SLC9A2: variants seen among roughly 807,000 people sequenced by gnomAD.
SLC9A2 encodes the protein sodium/hydrogen exchanger 2.
Under a neutral mutation model 71.7 loss-of-function variants are expected in SLC9A2, and 42 were observed. That is an observed-to-expected ratio of 0.59 (90% CI 0.46 to 0.76). The LOEUF (loss-of-function observed/expected upper bound fraction) is 0.76. SLC9A2 is among the 30% of genes least tolerant of loss of function. SLC9A2 has a pLI of 0.00. For synonymous variants in SLC9A2, 396 were observed against 392.5 expected (o/e 1.01, Z -0.10); for missense variants, 829 against 1,017.4 (o/e 0.81, Z 2.52).
At chr2:102,642,140 G>T (rs1379408345) in intron 1 of SLC9A2, among the ~76,000 whole-genome samples, 1 of 152,134 alleles carries the variant, frequency 6.6e-6, no homozygotes, top group East Asian at 1.9e-4. Context: ...TAGGAAGGAA[G>T]AATCCTTGTA....
At chr2:102,665,007 C>A in intron 2 of SLC9A2, 93 bp from the exon 3 acceptor site, 1 of 1,316,992 alleles carries the variant, frequency 7.6e-7, no homozygotes, top group Non-Finnish European at 1.0e-6. Flanking sequence ...AAGAAATGTC[C>A]TTATTAGAAG....
At chr2:102,625,127 C>A (rs890124436) in intron 1 of SLC9A2, among the ~76,000 whole-genome samples, 7 of 152,096 alleles carry the variant, frequency 4.6e-5, no homozygotes, top group African/African-American at 1.7e-4. Flanking sequence ...AAAAGAAGAG[C>A]ACTGATTCCT....
At chr2:102,655,835 G>A (rs915973026) in intron 1 of SLC9A2, among the ~76,000 whole-genome samples, 1 of 152,198 alleles carries the variant, frequency 6.6e-6, no homozygotes, top group African/African-American at 2.4e-5. Flanking sequence ...CTGGCATTTG[G>A]TGTCTGGTGA....
At chr2:102,670,089 T>G (rs1677217414) in intron 3 of SLC9A2, among the ~76,000 whole-genome samples, 1 of 151,698 alleles carries the variant, frequency 6.6e-6, no homozygotes, top group South Asian at 2.1e-4. Flanking sequence ...TGGAATGCAG[T>G]GGCGCGATCT....
chr2:102,678,200 G>C (rs1257537222), intron 3 of SLC9A2, among the ~76,000 whole-genome samples: 1 of 152,114 alleles, frequency 6.6e-6, no homozygotes, highest in Non-Finnish European at 1.5e-5. Context: ...CTTGAAGGCA[G>C]AAATTGGGTC....
Position 102,708,505 on chromosome 2 carries a change from C to G in SLC9A2, c.*16C>G. ...GAAGCCTTAAGAGAAGCAGCGAAAG[C>G]AGATCTGAGTGTCTGACCCAGGACA... On this transcript the variant is annotated 3_prime_UTR_variant, in exon 12 of 12. Coordinates refer to ENST00000233969, the MANE Select transcript of SLC9A2 (RefSeq NM_003048.6). 2 of 1,607,168 alleles carry G rather than the reference C, an allele frequency of 1.2e-6. No individual in the cohort carries two copies. Among genetic ancestry groups the G allele is most frequent in the Non-Finnish European group, 1.7e-6 (2 of 1,176,420 alleles).
At chr2:102,634,940 G>T (rs916393552) in intron 1 of SLC9A2, among the ~76,000 whole-genome samples, 1 of 152,132 alleles carries the variant, frequency 6.6e-6, no homozygotes, top group Admixed American at 6.5e-5. Flanking sequence ...AAAGCCCAGA[G>T]CTTCTGGGTC....
At chr2:102,625,097 T>C (rs1254947714) in intron 1 of SLC9A2, among the ~76,000 whole-genome samples, 1 of 151,910 alleles carries the variant, frequency 6.6e-6, no homozygotes, top group African/African-American at 2.4e-5. Flanking sequence ...TGGTGGCAGG[T>C]ATTGGTTCCT....
At chr2:102,691,862 T>C (rs1160302228) in intron 5 of SLC9A2, among the ~76,000 whole-genome samples, 1 of 152,232 alleles carries the variant, frequency 6.6e-6, no homozygotes, top group African/African-American at 2.4e-5. Context: ...GGGTAAGCCC[T>C]GTGTCCTATC....
At chr2:102,666,809 A>AT (rs552510541) in intron 3 of SLC9A2, among the ~76,000 whole-genome samples, 1,683 of 150,100 alleles carry the variant, frequency 0.011, 28 homozygotes, top group African/African-American at 0.034. Context: ...ATGCTTTTAC[A>AT]TTTTTTTTTT....
At chr2:102,688,990 T>C (rs1677608868) in intron 5 of SLC9A2, among the ~76,000 whole-genome samples, 1 of 152,182 alleles carries the variant, frequency 6.6e-6, no homozygotes, top group African/African-American at 2.4e-5. Context: ...GTAACTTAGG[T>C]TAAGTCACGG....
At chr2:102,636,372 G>T (rs1676469160) in intron 1 of SLC9A2, among the ~76,000 whole-genome samples, 1 of 152,210 alleles carries the variant, frequency 6.6e-6, no homozygotes, top group African/African-American at 2.4e-5. Flanking sequence ...ACTGGTGAAT[G>T]CAGTTAAGTG....
At chr2:102,670,898 C>T (rs556707599) in intron 3 of SLC9A2, among the ~76,000 whole-genome samples, 39 of 137,922 alleles carry the variant, frequency 2.8e-4, no homozygotes, top group Non-Finnish European at 3.5e-4. Context: ...TTGGTTTACC[C>T]ACACTTTGTA....
At chr2:102,622,792 A>AAGT (rs1259027496) in intron 1 of SLC9A2, among the ~76,000 whole-genome samples, 1 of 152,196 alleles carries the variant, frequency 6.6e-6, no homozygotes, top group Non-Finnish European at 1.5e-5. Flanking sequence ...GGTATAGTCA[A>AAGT]AGTAGTAGTA....
At chr2:102,641,191 G>C (rs1676573458) in intron 1 of SLC9A2, among the ~76,000 whole-genome samples, 1 of 152,180 alleles carries the variant, frequency 6.6e-6, no homozygotes. Context: ...ACTCAGGATG[G>C]TGGGCAGTTT....
chr2:102,654,499 A>C (rs1269631194), intron 1 of SLC9A2, among the ~76,000 whole-genome samples: 1 of 152,168 alleles, frequency 6.6e-6, no homozygotes, highest in Non-Finnish European at 1.5e-5. Flanking sequence ...TTATTATTTA[A>C]CAGTTCTTTA....
chr2:102,655,460 C>T (rs1676920860), intron 1 of SLC9A2, among the ~76,000 whole-genome samples: 2 of 152,068 alleles, frequency 1.3e-5, no homozygotes, highest in South Asian at 4.1e-4. Flanking sequence ...GGCCTATACC[C>T]TTATTCTGTA....
rs1444434745 is a variant in SLC9A2, at chr2:102,639,927, G to A, written c.290-17637G>A. Among the ~76,000 whole-genome samples the A allele has an allele frequency of 2.6e-5, 4 of 152,178 alleles. No homozygotes were observed. The East Asian group carries it at 7.7e-4, about 29-fold the overall frequency. Reference sequence around the variant, plus strand: ...AGTAATAAAAGCATAAACCTCCAGTGCAATCAAATATAGACCAGTGGCTGT... The same window carrying A: ...AGTAATAAAAGCATAAACCTCCAGTACAATCAAATATAGACCAGTGGCTGT... On this transcript the variant is annotated intron_variant, in intron 1 of 11. Transcript: ENST00000233969.
intron 1 of SLC9A2, among the ~76,000 whole-genome samples, chr2:102,631,612 A>G (rs1373997950): frequency 6.6e-6 from 1 of 151,960 alleles, no homozygotes; most frequent in East Asian, 1.9e-4. Flanking sequence ...TTGTGTCCAT[A>G]TTGTTGGATA....
Sources: allele counts gnomAD v4.1 joint callset (sites outside exome capture counted in the v4.1 genomes callset), GRCh38; gene constraint gnomAD v4.1.1; transcripts MANE v1.5; gene names NCBI Gene and HGNC (gene_info 2026-07-23, HGNC 2026-07-21).